Variants in ADH1B observed in about 807,000 individuals in gnomAD.
The protein encoded by ADH1B is alcohol dehydrogenase 1B (class I), beta polypeptide.
A neutral mutation model predicts 34.6 loss-of-function variants in ADH1B; 29 were observed. The observed-to-expected ratio is 0.84, with a 90% CI of 0.62 to 1.14. The LOEUF is 1.14. Ranked by LOEUF, ADH1B falls within the 50% of genes most tolerant of loss-of-function variation. ADH1B has a pLI of 0.00. For missense variants in ADH1B, 424 were observed against 468.4 expected (o/e 0.91, Z 0.87); for synonymous variants, 170 against 175.5 (o/e 0.97, Z 0.25).
chr4:99,315,851 C>A (rs1733867317), intron 5 of ADH1B, 47 bp downstream of exon 5: 1 of 1,607,974 alleles, frequency 6.2e-7, no homozygotes, highest in African/African-American at 1.3e-5. Flanking sequence ...CTTTTGGTTT[C>A]CGACAGTCTG....
intron 1 of ADH1B, among the ~76,000 whole-genome samples, chr4:99,321,083 TA>T (rs1412777654): frequency 6.6e-6 from 1 of 152,176 alleles, no homozygotes; most frequent in African/African-American, 2.4e-5. Flanking sequence ...ATGTAGGAAA[TA>T]AAGACTAATA....
At position 99,316,326 on chromosome 4, in the gene ADH1B, T is replaced by A. The variant is rs924362380; in HGVS notation, c.260-24A>T. The A allele has an allele frequency of 3.2e-6, 5 of 1,574,510 alleles. No homozygotes were observed. The African/African-American group carries it at 7.2e-5, about 23-fold the overall frequency. On this transcript the variant is annotated intron_variant, in intron 3 of 8. Coordinates refer to ENST00000305046, the MANE Select transcript of ADH1B (RefSeq NM_000668.6). ...ACCTGGAGAGGAATAAAACAAGTTC[T>A]TCTTAAATTTCTATGCAGTAATTAA...
At chr4:99,318,331 T>A (rs1733940894) in intron 2 of ADH1B, 147 bp from the exon 3 acceptor site, 7 of 1,070,810 alleles carry the variant, frequency 6.5e-6, no homozygotes, top group Non-Finnish European at 8.2e-6. Flanking sequence ...AAAGATTCAG[T>A]TTATCCCCAA....
In ADH1B at chr4:99,318,053, G is replaced by T. The variant is rs77404593; in HGVS notation, c.252C>A (p.Val84=). ...VESVGEGVTT[V]KPGDKVIPLF... is the part of the protein sequence containing the mutation. ...TGAGTGTGAATCCTGTACCTGGTTT[G>T]ACTGTAGTCACCCCTTCTCCAACAC... Residue 84 remains valine (V), a synonymous_variant, in exon 3 of 9, where the codon GTC becomes GTA. Transcript: ENST00000305046. 9 of 1,613,880 alleles carry T rather than the reference G, an allele frequency of 5.6e-6. No homozygotes were observed. The highest frequency in any genetic ancestry group is 5.0e-5 in the Admixed American group (3 of 59,980).
chr4:99,313,126 A>C (rs1428700267), intron 6 of ADH1B, among the ~76,000 whole-genome samples: 3 of 151,456 alleles, frequency 2.0e-5, no homozygotes, highest in Non-Finnish European at 4.4e-5. Context: ...TCCTGGGTTC[A>C]AGTGATTCTC....
At chr4:99,313,440 A>G (rs1322965758) in intron 6 of ADH1B, 1 of 203,610 alleles carries the variant, frequency 4.9e-6, no homozygotes, top group African/African-American at 2.3e-5. Context: ...ACATAGGCAA[A>G]ATTGTTAAAC....
At position 99,311,494 on chromosome 4, in the gene ADH1B, A is replaced by G. The variant is rs775488106; in HGVS notation, c.964+27T>C. 4 of 1,609,962 alleles carry G rather than the reference A, an allele frequency of 2.5e-6. No individual in the cohort carries two copies. The East Asian group carries it at 8.9e-5, about 36-fold the overall frequency. ...ATGAGATATATTGAGATTAATGAGA[A>G]TTTGGCACTTGAGCCCAACTACATA... is the stretch of plus-strand genomic sequence containing the variant. On this transcript the variant is annotated intron_variant, in intron 7 of 8. Coordinates refer to ENST00000305046, the MANE Select transcript of ADH1B (RefSeq NM_000668.6).
chr4:99,309,013 T>C (rs1333928098), intron 8 of ADH1B, among the ~76,000 whole-genome samples: 1 of 151,966 alleles, frequency 6.6e-6, no homozygotes, highest in East Asian at 1.9e-4. Flanking sequence ...ACATTGCATA[T>C]ACAACATATA....
intron 1 of ADH1B, 76 bp from the exon 2 acceptor site, chr4:99,318,962 T>A (rs760523527): frequency 6.8e-7 from 1 of 1,472,770 alleles, no homozygotes; most frequent in Non-Finnish European, 9.5e-7. Flanking sequence ...TTCATCTTTG[T>A]ACATGTAATA....
rs777394550 is a variant in ADH1B at position 99,315,884 on chromosome 4, A to G, written c.567+14T>C. The G allele has an allele frequency of 1.9e-6, 3 of 1,613,984 alleles. No homozygotes were observed. The highest frequency in any genetic ancestry group is 1.3e-5 in the African/African-American group (1 of 74,900). On this transcript the variant is annotated intron_variant, in intron 5 of 8. Coordinates refer to ENST00000305046, the MANE Select transcript of ADH1B (RefSeq NM_000668.6). ...CTGCATGTAAGCAGTTTTATCACCC[A>G]TTGTCATTCTCACCTTGGCAACGTT... is the stretch of plus-strand genomic sequence containing the variant.
rs1453016217 is a variant in ADH1B at position 99,306,873 on chromosome 4, C to G, written c.*967G>C. 1.3e-5 allele frequency: 2 copies of G among 152,054 alleles called. No individual in the cohort carries two copies. The highest frequency in any genetic ancestry group is 2.9e-5 in the Non-Finnish European group (2 of 68,004). 9.4% of individuals were successfully genotyped at this position (152,054 alleles called of 1,614,324 possible). The stretch of plus-strand genomic sequence containing the variant: ...TATATATGTATGTGTATATATATAT[C>G]TACTAGGAAAATATATTGCTTAAGG... On this transcript the variant is annotated 3_prime_UTR_variant, in exon 9 of 9. Transcript: ENST00000305046.
intron 5 of ADH1B, chr4:99,315,561 A>G (rs1733859445): frequency 2.7e-6 from 1 of 365,478 alleles, no homozygotes; most frequent in Non-Finnish European, 5.1e-6. Context: ...GTCAGAGCCT[A>G]GCAGAACCTA....
chr4:99,310,928 T>G, intron 7 of ADH1B, 25 bp from the exon 8 acceptor site: 1 of 1,607,726 alleles, frequency 6.2e-7, no homozygotes, highest in Non-Finnish European at 8.5e-7. Flanking sequence ...GTATCATTGT[T>G]GGATTCAGCT....
At chr4:99,308,832 T>C (rs1733679489) in intron 8 of ADH1B, among the ~76,000 whole-genome samples, 2 of 152,106 alleles carry the variant, frequency 1.3e-5, no homozygotes. Context: ...TTCTATGAAC[T>C]TTTTTCTAGA....
intron 3 of ADH1B, chr4:99,317,310 T>G (rs1733910303): frequency 6.6e-6 from 1 of 152,246 alleles, no homozygotes; most frequent in African/African-American, 2.4e-5. Context: ...GGCAATGTCC[T>G]AGTTATTAAC....
intron 2 of ADH1B, 146 bp from the exon 3 acceptor site, chr4:99,318,330 G>A (rs1011643543): frequency 2.4e-5 from 26 of 1,074,690 alleles, no homozygotes; most frequent in Non-Finnish European, 3.4e-5. Context: ...GAAAGATTCA[G>A]TTTATCCCCA....
rs1229422482 is a variant in ADH1B, at chr4:99,318,543, AT to A, written c.120+241del. On this transcript the variant is annotated intron_variant, in intron 2 of 8. Transcript: ENST00000305046. Reference sequence around the variant, plus strand: ...GAAGTCTTGATATATATCCTTTGGAATTTTTTTCTGTACAAACATAAATTCT... The same window carrying A: ...GAAGTCTTGATATATATCCTTTGGAATTTTTTCTGTACAAACATAAATTCT... The A allele has an allele frequency of 1.9e-5, 10 of 514,028 alleles. No homozygotes were observed. The Admixed American group carries it at 2.8e-4, about 14-fold the overall frequency. The allele number at this position is 514,028 out of a possible 1,614,324, so 31.8% of individuals were successfully genotyped here. A position where few individuals can be genotyped will look rare whatever the true frequency, so the allele number is the denominator to read the frequency against.
rs1005522647 is a variant in ADH1B at position 99,305,807 on chromosome 4, T to C, written c.*2033A>G. 2 of 151,508 alleles carry C rather than the reference T, an allele frequency of 1.3e-5. No individual in the cohort carries two copies. Among genetic ancestry groups the C allele is most frequent in the Non-Finnish European group, 2.9e-5 (2 of 67,894 alleles). 9.4% of individuals were successfully genotyped at this position (151,508 alleles called of 1,614,324 possible). On this transcript the variant is annotated 3_prime_UTR_variant, in exon 9 of 9. Coordinates refer to ENST00000305046, the MANE Select transcript of ADH1B (RefSeq NM_000668.6). ...GAGGAAGGCGGGTGGGAGCTGGATG[T>C]CAGCTTCTGTGTCACTAGCAGGATT...
Position 99,316,301 on chromosome 4 carries a change from A to T in ADH1B, c.261T>A (p.Gly87=). The part of the protein sequence containing the change: ...VGEGVTTVKP[G]DKVIPLFTPQ... ...GAGTAAAGAGCGGGATGACTTTATC[A>T]CCTGGAGAGGAATAAAACAAGTTCT... Residue 87 remains glycine, a splice_region_variant and synonymous_variant, in exon 4 of 9, where the codon GGT becomes GGA. Transcript: ENST00000305046. 2 of 1,613,322 alleles carry T rather than the reference A, an allele frequency of 1.2e-6. No individual in the cohort carries two copies. The highest frequency in any genetic ancestry group is 1.7e-6 in the Non-Finnish European group (2 of 1,179,732).
Sources: allele counts gnomAD v4.1 joint callset (sites outside exome capture counted in the v4.1 genomes callset), GRCh38; gene constraint gnomAD v4.1.1; transcripts MANE v1.5; gene names NCBI Gene and HGNC (gene_info 2026-07-23, HGNC 2026-07-21).